IQGAP1: variants seen among roughly 807,000 people sequenced by gnomAD.
IQGAP1 encodes the protein IQ motif containing GTPase activating protein 1, also known as ras GTPase-activating-like protein IQGAP1.
A neutral mutation model predicts 215.6 loss-of-function variants in IQGAP1; 66 were observed. The ratio of observed to expected loss-of-function variants is 0.31; its 90% CI spans 0.25 to 0.38. The LOEUF is 0.38. IQGAP1 is among the 10% of genes least tolerant of loss of function. The pLI, the probability that IQGAP1 is intolerant of heterozygous loss-of-function variation, is 1.00. For missense variants in IQGAP1, 1,712 were observed against 1,997.1 expected (o/e 0.86, Z 2.72); for synonymous variants, 772 against 728.7 (o/e 1.06, Z -0.96).
At chr15:90,443,933 G>A (rs760824028) in intron 9 of IQGAP1, among the ~76,000 whole-genome samples, 4 of 151,828 alleles carry the variant, frequency 2.6e-5, no homozygotes, top group Admixed American at 6.6e-5. Flanking sequence ...GCATGGTGGC[G>A]TGCTCTTGTA....
chr15:90,420,193 T>G (rs1965113321), intron 2 of IQGAP1, among the ~76,000 whole-genome samples: 1 of 152,186 alleles, frequency 6.6e-6, no homozygotes, highest in African/African-American at 2.4e-5. Flanking sequence ...CTGTGCTAGC[T>G]CTATTTCACT....
chr15:90,480,496 A>G (rs1455939846), intron 26 of IQGAP1, among the ~76,000 whole-genome samples: 1 of 152,226 alleles, frequency 6.6e-6, no homozygotes, highest in Non-Finnish European at 1.5e-5. Flanking sequence ...TTTAAAACTC[A>G]TATAAATAAT....
chr15:90,393,784 C>T (rs1480797955), intron 2 of IQGAP1: 1 of 152,066 alleles, frequency 6.6e-6, no homozygotes, highest in African/African-American at 2.4e-5. Flanking sequence ...CCTTTAAAGA[C>T]CACCCAGCAG....
At chr15:90,496,238 C>G (rs1029947465) in intron 36 of IQGAP1, among the ~76,000 whole-genome samples, 1 of 150,402 alleles carries the variant, frequency 6.6e-6, no homozygotes, top group African/African-American at 2.5e-5. Context: ...ATAGGTAAGG[C>G]AGCTCCATAG....
chr15:90,425,461 A>C (rs1303781822), intron 2 of IQGAP1, among the ~76,000 whole-genome samples: 1 of 152,104 alleles, frequency 6.6e-6, no homozygotes, highest in Non-Finnish European at 1.5e-5. Context: ...TTGAAGGGGA[A>C]AATACAGTTT....
chr15:90,425,096 G>C (rs1174406018), intron 2 of IQGAP1, among the ~76,000 whole-genome samples: 4 of 152,094 alleles, frequency 2.6e-5, no homozygotes, highest in Non-Finnish European at 5.9e-5. Context: ...GATCACTTGA[G>C]GTCAGGAGTT....
At chr15:90,414,122 G>A (rs146233768) in intron 2 of IQGAP1, among the ~76,000 whole-genome samples, 17 of 151,956 alleles carry the variant, frequency 1.1e-4, no homozygotes, top group African/African-American at 2.9e-4. Flanking sequence ...CTCCTTCTCC[G>A]TTCCCCCTAG....
intron 7 of IQGAP1, among the ~76,000 whole-genome samples, chr15:90,441,070 G>A (rs931889326): frequency 6.6e-6 from 1 of 151,268 alleles, no homozygotes; most frequent in Admixed American, 6.6e-5. Flanking sequence ...TCATGCCATT[G>A]CACTCCAGAC....
intron 15 of IQGAP1, among the ~76,000 whole-genome samples, chr15:90,465,099 A>C (rs750932767): frequency 1.2e-4 from 19 of 152,238 alleles, no homozygotes; most frequent in Non-Finnish European, 2.5e-4. Flanking sequence ...CACAACATTC[A>C]TTATATTTCT....
Position 90,487,018 on chromosome 15 carries a change from C to T in IQGAP1, c.4089C>T (p.Leu1363=). 1 of 1,614,038 alleles carries T rather than the reference C, an allele frequency of 6.2e-7. No individual in the cohort carries two copies. Residue 1363 remains leucine, a synonymous_variant, in exon 32 of 38, where the codon CTC becomes CTT. Coordinates refer to ENST00000268182, the MANE Select transcript of IQGAP1 (RefSeq NM_003870.4). ...CACTGGCTAAGACGGAAGTGTCTCTCACCCTGACCAACAAGTTCGACGTGC... is the reference window on the plus strand; with the variant it reads ...CACTGGCTAAGACGGAAGTGTCTCTTACCCTGACCAACAAGTTCGACGTGC... ...KEALAKTEVS[L]TLTNKFDVPG... is the part of the protein sequence containing the mutation.
intron 2 of IQGAP1, among the ~76,000 whole-genome samples, chr15:90,419,609 G>T (rs1316830433): frequency 6.6e-6 from 1 of 152,164 alleles, no homozygotes; most frequent in Non-Finnish European, 1.5e-5. Context: ...AAAAATATAA[G>T]AGTTTTGTTA....
chr15:90,497,411 A>C (rs1567146395), intron 37 of IQGAP1, 71 bp downstream of exon 37: 1 of 781,090 alleles, frequency 1.3e-6, no homozygotes, highest in Non-Finnish European at 2.3e-6. Flanking sequence ...AAATAGATAA[A>C]GAGGAGACTC....
intron 13 of IQGAP1, among the ~76,000 whole-genome samples, chr15:90,453,677 G>A (rs1167417910): frequency 6.6e-6 from 1 of 152,182 alleles, no homozygotes; most frequent in Admixed American, 6.5e-5. Context: ...TGTCCCTTGA[G>A]TATCTTTTAA....
chr15:90,420,422 G>A (rs1965116993), intron 2 of IQGAP1, among the ~76,000 whole-genome samples: 2 of 152,166 alleles, frequency 1.3e-5, no homozygotes, highest in African/African-American at 4.8e-5. Context: ...TGCCAGTAGA[G>A]AATTGATGCC....
chr15:90,470,885 A>G (rs1367153292), intron 18 of IQGAP1, among the ~76,000 whole-genome samples: 1 of 151,924 alleles, frequency 6.6e-6, no homozygotes, highest in Non-Finnish European at 1.5e-5. Flanking sequence ...CCTGCTTCTA[A>G]ATGTTCCTTC....
At chr15:90,424,326 T>C (rs1965190581) in intron 2 of IQGAP1, among the ~76,000 whole-genome samples, 1 of 152,226 alleles carries the variant, frequency 6.6e-6, no homozygotes, top group African/African-American at 2.4e-5. Flanking sequence ...CAAATTGGTA[T>C]CTCATTTATT....
rs972598225 is a variant in IQGAP1, at chr15:90,491,422, A to G, written c.4338A>G (p.Glu1446=). ...TGAAAAAGTCAAAATCTGTAAAGGA[A>G]GACAGCAACCTCACTCTTCAAGAGA... The part of the protein sequence containing the change: ...DKMKKSKSVK[E]DSNLTLQEKK... The change falls in exon 34 of 38, where the codon GAA becomes GAG. Residue 1446 remains glutamate, a synonymous_variant. Transcript: ENST00000268182. 1.2e-6 allele frequency: 2 copies of G among 1,614,190 alleles called. No homozygotes were observed. The highest frequency in any genetic ancestry group is 1.3e-5 in the African/African-American group (1 of 75,054).
At chr15:90,486,533 C>A in intron 31 of IQGAP1, 1 of 187,672 alleles carries the variant, frequency 5.3e-6, no homozygotes, top group South Asian at 1.1e-4. Flanking sequence ...CCTCAAATTC[C>A]TAGGCTCAAG....
chr15:90,401,569 C>T (rs1309129083), intron 2 of IQGAP1, among the ~76,000 whole-genome samples: 1 of 152,178 alleles, frequency 6.6e-6, no homozygotes, highest in Non-Finnish European at 1.5e-5. Context: ...TGATTAGTAC[C>T]GTTTATTGCA....
Sources: allele counts gnomAD v4.1 joint callset (sites outside exome capture counted in the v4.1 genomes callset), GRCh38; gene constraint gnomAD v4.1.1; transcripts MANE v1.5; gene names NCBI Gene and HGNC (gene_info 2026-07-23, HGNC 2026-07-21).